Variants in FGD5 observed in about 807,000 individuals in gnomAD.
The protein encoded by FGD5 is FYVE, RhoGEF and PH domain-containing protein 5.
A neutral mutation model predicts 133.4 loss-of-function variants in FGD5; 28 were observed. The ratio of observed to expected loss-of-function variants is 0.21; its 90% CI spans 0.16 to 0.29. The LOEUF (loss-of-function observed/expected upper bound fraction) is 0.29. Among genes scored for constraint, FGD5 ranks in the 10% least tolerant of loss-of-function variants. The pLI is 1.00. For missense variants in FGD5, 1,858 were observed against 1,895.2 expected (o/e 0.98, Z 0.36); for synonymous variants, 810 against 776.5 (o/e 1.04, Z -0.72).
chr3:14,879,314 A>G (rs1406132530), intron 2 of FGD5, among the ~76,000 whole-genome samples: 1 of 152,192 alleles, frequency 6.6e-6, no homozygotes, highest in Non-Finnish European at 1.5e-5. Flanking sequence ...CTATTTCATC[A>G]GGCCGCCACA....
At chr3:14,838,799 TAAAAC>T (rs1268120317) in intron 1 of FGD5, among the ~76,000 whole-genome samples, 1 of 152,076 alleles carries the variant, frequency 6.6e-6, no homozygotes, top group African/African-American at 2.4e-5. Flanking sequence ...AAATGGAAGG[TAAAAC>T]AAAGTCAGAT....
chr3:14,811,033 C>T (rs889514415), intron 1 of FGD5, among the ~76,000 whole-genome samples: 2 of 150,846 alleles, frequency 1.3e-5, no homozygotes, highest in Non-Finnish European at 3.0e-5. Flanking sequence ...GGTCCTCTCG[C>T]CGAGGAGGCT....
At chr3:14,850,203 G>T (rs1434300497) in intron 1 of FGD5, among the ~76,000 whole-genome samples, 1 of 152,168 alleles carries the variant, frequency 6.6e-6, no homozygotes, top group African/African-American at 2.4e-5. Context: ...TCCTGCTTTG[G>T]GCTGGAGTTA....
chr3:14,897,744 A>G, intron 5 of FGD5, 75 bp downstream of exon 5: 1 of 1,486,576 alleles, frequency 6.7e-7, no homozygotes, highest in Non-Finnish European at 9.0e-7. Flanking sequence ...ACACCACCAT[A>G]TGAAATAGTA....
intron 6 of FGD5, 21 bp downstream of exon 6, chr3:14,898,116 A>C (rs1250010023): frequency 6.2e-7 from 1 of 1,613,802 alleles, no homozygotes; most frequent in African/African-American, 1.3e-5. Flanking sequence ...TGGTCCTCTG[A>C]GACCCTGCTG....
chr3:14,814,923 G>A (rs2036347100), upstream of FGD5, among the ~76,000 whole-genome samples: 1 of 152,092 alleles, frequency 6.6e-6, no homozygotes, highest in African/African-American at 2.4e-5. Context: ...ACATTCATAT[G>A]GTCAGCAGAT....
chr3:14,901,019 C>T lies in FGD5; in HGVS notation c.3222C>T (p.Ile1074=), dbSNP rs895880308. ...YDNTQGALSL[I]SKVTDRANDS... ...CCTCCCCAGGTGCACTGAGCCTCAT[C>T]TCCAAAGTCACAGACCGTGCCAACG... The change falls in exon 9 of 20, where the codon ATC becomes ATT. Residue 1074 remains isoleucine, a synonymous_variant. Coordinates refer to ENST00000285046, the MANE Select transcript of FGD5 (RefSeq NM_152536.4). 3 of 1,614,036 alleles carry T rather than the reference C, an allele frequency of 1.9e-6. No homozygotes were observed. The highest frequency in any genetic ancestry group is 1.7e-5 in the Admixed American group (1 of 60,030).
intron 1 of FGD5, among the ~76,000 whole-genome samples, chr3:14,836,274 C>CAG (rs2036815991): frequency 6.6e-6 from 1 of 152,200 alleles, no homozygotes; most frequent in African/African-American, 2.4e-5. Context: ...CGGGAAGCTC[C>CAG]TTGTAGATGC....
At chr3:14,844,215 AAAAT>A (rs1484216753) in intron 1 of FGD5, among the ~76,000 whole-genome samples, 2 of 27,502 alleles carry the variant, frequency 7.3e-5, no homozygotes, top group Non-Finnish European at 1.3e-4. Context: ...AAAAAAAAAA[AAAAT>A]ATATATATAT....
upstream of FGD5, among the ~76,000 whole-genome samples, chr3:14,817,560 G>T (rs1405362553): frequency 6.6e-6 from 1 of 152,190 alleles, no homozygotes; most frequent in Non-Finnish European, 1.5e-5. Context: ...GATACATGTG[G>T]CTCACATTCC....
At position 14,922,953 on chromosome 3, in the gene FGD5, G is replaced by A; in HGVS notation, c.3808-93G>A. 1.3e-6 allele frequency: 2 copies of A among 1,566,796 alleles called. No individual in the cohort carries two copies. Among genetic ancestry groups the A allele is most frequent in the African/African-American group, 2.7e-5 (2 of 74,298 alleles). On this transcript the variant is annotated intron_variant, in intron 15 of 19. Coordinates refer to ENST00000285046, the MANE Select transcript of FGD5 (RefSeq NM_152536.4). This position sits in a 1 kb window ranked among gnomAD's most constrained non-coding sequence, Gnocchi z 4.1. The stretch of plus-strand genomic sequence containing the variant: ...AACCTGGGGCTCCCTAGGGGCAGTT[G>A]TGGGTGGATTAGCAGAGGGAGCGGA...
chr3:14,845,428 C>G (rs2037032719), intron 1 of FGD5, among the ~76,000 whole-genome samples: 1 of 152,220 alleles, frequency 6.6e-6, no homozygotes, highest in Non-Finnish European at 1.5e-5. Context: ...TAAGCCAGTG[C>G]TTGAATACCT....
At chr3:14,849,861 A>AC (rs1406298210) in intron 1 of FGD5, among the ~76,000 whole-genome samples, 1 of 152,016 alleles carries the variant, frequency 6.6e-6, no homozygotes, top group African/African-American at 2.4e-5. Context: ...CCTAAAAAAA[A>AC]TGCTGGCTTC....
At position 14,922,446 on chromosome 3, in the gene FGD5, G is replaced by GC; in HGVS notation, c.3711dup (p.Thr1238HisfsTer103). ...GGCTGGGGGTTAGCCTTGGGGAGAGGCCCCCCACCCTGGTGCCTGTCACAC... is the reference window on the plus strand; with the variant it reads ...GGCTGGGGGTTAGCCTTGGGGAGAGGCCCCCCCACCCTGGTGCCTGTCACAC... On this transcript the variant is annotated frameshift_variant, in exon 15 of 20. Transcript: ENST00000285046. LOFTEE classifies it high-confidence loss of function. The surrounding 1 kb of genome is among the most constrained non-coding windows in gnomAD (Gnocchi z 4.1). 2 of 1,570,404 alleles carry GC rather than the reference G, an allele frequency of 1.3e-6. No individual in the cohort carries two copies.
In FGD5 at chr3:14,921,772, A is replaced by G. The variant is rs1455078642; in HGVS notation, c.3570-146A>G. The G allele has an allele frequency of 4.3e-6, 3 of 701,056 alleles. No homozygotes were observed. In the East Asian group the frequency reaches 8.1e-5, roughly 19 times the overall value. The allele number at this position is 701,056 out of a possible 1,614,324, so 43.4% of individuals were successfully genotyped here. On this transcript the variant is annotated intron_variant, in intron 13 of 19. Transcript: ENST00000285046. Reference sequence around the variant, plus strand: ...GGTCTGCTCGTAAACCTAGTCTGGCAGGTGATCTCTTCTTTGCTGGTGGTT... The same window carrying G: ...GGTCTGCTCGTAAACCTAGTCTGGCGGGTGATCTCTTCTTTGCTGGTGGTT...
chr3:14,922,621 G>C lies in FGD5; in HGVS notation c.3807+73G>C. Reference sequence around the variant, plus strand: ...GGAAGGGCATGTCCCTGCCCAGCCGGGGGCTCAGGGATGTCCAGCAGCTAC... The same window carrying C: ...GGAAGGGCATGTCCCTGCCCAGCCGCGGGCTCAGGGATGTCCAGCAGCTAC... On this transcript the variant is annotated intron_variant, in intron 15 of 19. Coordinates refer to ENST00000285046, the MANE Select transcript of FGD5 (RefSeq NM_152536.4). The surrounding 1 kb of genome is among the most constrained non-coding windows in gnomAD (Gnocchi z 4.1). The C allele has an allele frequency of 6.6e-7, 1 of 1,514,380 alleles. No individual in the cohort carries two copies. Among genetic ancestry groups the C allele is most frequent in the Non-Finnish European group, 8.8e-7 (1 of 1,132,326 alleles). 93.8% of individuals were successfully genotyped at this position (1,514,380 alleles called of 1,614,324 possible).
chr3:14,889,031 A>G lies in FGD5; in HGVS notation c.2748+8259A>G, dbSNP rs544512415. The stretch of plus-strand genomic sequence containing the variant: ...ACTCAAATTGGGGAACCATTGTTAC[A>G]CAGAAGTGAACAGTCAGCTGCAGTA... On this transcript the variant is annotated intron_variant, in intron 4 of 19. Coordinates refer to ENST00000285046, the MANE Select transcript of FGD5 (RefSeq NM_152536.4). 9.8e-5 allele frequency among the ~76,000 whole-genome samples: 15 copies of G among 152,344 alleles called. No homozygotes were observed. The South Asian group carries it at 2.1e-3, about 21-fold the overall frequency.
intron 9 of FGD5, among the ~76,000 whole-genome samples, chr3:14,904,327 A>G (rs1361748824): frequency 6.6e-6 from 1 of 152,216 alleles, no homozygotes; most frequent in Non-Finnish European, 1.5e-5. Flanking sequence ...CTTCTCCCTC[A>G]TTGGCTAGTG....
At chr3:14,876,010 T>C (rs1213672045) in intron 2 of FGD5, among the ~76,000 whole-genome samples, 1 of 152,130 alleles carries the variant, frequency 6.6e-6, no homozygotes, top group Non-Finnish European at 1.5e-5. Flanking sequence ...AACATCAGGC[T>C]GCGCCATCTT....
Sources: gnomAD v4.1 joint callset for allele counts (sites outside exome capture counted in the v4.1 genomes callset) on GRCh38, gnomAD v4.1.1 for gene constraint, Gnocchi (gnomAD v3.1) non-coding constraint, MANE v1.5 for transcripts, NCBI Gene and HGNC (gene_info 2026-07-23, HGNC 2026-07-21) for gene names.